Variants in GLYR1 observed in about 807,000 individuals in gnomAD.
GLYR1 encodes cytokine-like nuclear factor N-PAC.
GLYR1 carries 21 observed loss-of-function variants against 72.7 expected under a neutral mutation model. That is an observed-to-expected ratio of 0.29 (90% CI 0.20 to 0.42). GLYR1 has a LOEUF of 0.42. Ranked by LOEUF, GLYR1 falls within the 10% of genes least tolerant of loss-of-function variation. The pLI, the probability that GLYR1 is intolerant of heterozygous loss-of-function variation, is 1.00. For synonymous variants in GLYR1, 392 were observed against 270.2 expected (o/e 1.45, Z -4.42); for missense variants, 594 against 712.1 (o/e 0.83, Z 1.89).
At chr16:4,837,292 T>G (rs538688287) in intron 3 of GLYR1, among the ~76,000 whole-genome samples, 8 of 152,022 alleles carry the variant, frequency 5.3e-5, no homozygotes, top group Middle Eastern at 3.4e-3. Flanking sequence ...AATTAGCCAG[T>G]TGTGGTAGCA....
At chr16:4,820,073 C>T (rs940068362) in intron 9 of GLYR1, among the ~76,000 whole-genome samples, 1 of 152,154 alleles carries the variant, frequency 6.6e-6, no homozygotes, top group Non-Finnish European at 1.5e-5. Context: ...TCTTGGCTCA[C>T]TGCAACCTCC....
intron 5 of GLYR1, among the ~76,000 whole-genome samples, chr16:4,826,159 C>T (rs2084368369): frequency 6.6e-6 from 1 of 151,422 alleles, no homozygotes; most frequent in African/African-American, 2.4e-5. Context: ...GTGATCTTCC[C>T]ACCTCAGCCT....
intron 2 of GLYR1, among the ~76,000 whole-genome samples, 170 bp from the exon 3 acceptor site, chr16:4,845,323 T>C (rs996712007): frequency 4.6e-5 from 7 of 152,226 alleles, no homozygotes; most frequent in Admixed American, 3.9e-4. Context: ...CTAGTACTTG[T>C]CTAAATCTCC....
intron 9 of GLYR1, 92 bp downstream of exon 9, chr16:4,821,288 G>C (rs1386291205): frequency 1.6e-6 from 2 of 1,283,076 alleles, no homozygotes; most frequent in Non-Finnish European, 1.1e-6. Context: ...CAATGGCTGG[G>C]ACACAACCCT....
intron 9 of GLYR1, among the ~76,000 whole-genome samples, chr16:4,818,318 A>G (rs2083784920): frequency 6.6e-6 from 1 of 151,724 alleles, no homozygotes; most frequent in Non-Finnish European, 1.5e-5. Flanking sequence ...TTTTTGAGAT[A>G]GTGTCTTGTT....
At chr16:4,811,919 C>A (rs1361984873) in intron 13 of GLYR1, 117 bp from the exon 14 acceptor site, 2 of 1,411,018 alleles carry the variant, frequency 1.4e-6, no homozygotes, top group East Asian at 4.7e-5. Flanking sequence ...CTTCACCTGC[C>A]CCCGACAGAC....
intron 10 of GLYR1, among the ~76,000 whole-genome samples, chr16:4,816,814 C>T (rs562258218): frequency 6.6e-6 from 1 of 152,196 alleles, no homozygotes; most frequent in African/African-American, 2.4e-5. Context: ...GGTGAAACCC[C>T]TTCTCTACTA....
intron 15 of GLYR1, among the ~76,000 whole-genome samples, chr16:4,810,235 A>C (rs1009608474): frequency 1.3e-5 from 2 of 151,738 alleles, no homozygotes; most frequent in African/African-American, 4.8e-5. Flanking sequence ...AGTGGCTCAC[A>C]CCTGTAATCC....
intron 4 of GLYR1, 62 bp from the exon 5 acceptor site, chr16:4,832,283 C>A: frequency 2.5e-6 from 4 of 1,591,264 alleles, no homozygotes; most frequent in Non-Finnish European, 3.4e-6. Flanking sequence ...TCGCCACCAT[C>A]ATTTACAGGT....
chr16:4,812,320 T>C lies in GLYR1; in HGVS notation c.1120-72A>G, dbSNP rs2083364183. On this transcript the variant is annotated intron_variant, in intron 12 of 15. Coordinates refer to ENST00000321919, the MANE Select transcript of GLYR1 (RefSeq NM_032569.4). ...CTCTCTGGGCAGGACTCAAGGAGTG[T>C]TGCTGAGTGGCCACGGCTGCTCATC... 6.6e-6 allele frequency: 10 copies of C among 1,511,264 alleles called. No homozygotes were observed. In the South Asian group the frequency reaches 8.9e-5, roughly 13 times the overall value. The allele number at this position is 1,511,264 out of a possible 1,614,324, so 93.6% of individuals were successfully genotyped here.
rs182448460 is a variant in GLYR1, at chr16:4,827,857, G to A, written c.538-3950C>T. On this transcript the variant is annotated intron_variant, in intron 5 of 15. Transcript: ENST00000321919. ...GGAGCTTGCAGTGAGCCGAGATTGC[G>A]CCACTGCACCGCAGCCTGGGCGACA... 7.4e-3 allele frequency among the ~76,000 whole-genome samples: 1,119 copies of A among 151,808 alleles called. 21 individuals are homozygous for A. Among genetic ancestry groups the A allele is most frequent in the African/African-American group, 0.026 (1,076 of 41,426 alleles).
At chr16:4,827,887 G>A (rs1219431606) in intron 5 of GLYR1, among the ~76,000 whole-genome samples, 2 of 151,840 alleles carry the variant, frequency 1.3e-5, no homozygotes, top group Non-Finnish European at 2.9e-5. Flanking sequence ...GCGACAGCAC[G>A]AGACTCCGTC....
chr16:4,846,694 C>T (rs1301628630), intron 1 of GLYR1: 2 of 243,000 alleles, frequency 8.2e-6, no homozygotes, highest in African/African-American at 4.6e-5. Context: ...CAAGCGTGCA[C>T]TGGTCACTGC....
rs564580873 is a variant in GLYR1 at position 4,825,693 on chromosome 16, C to G, written c.538-1786G>C. ...TTGAGACGGAGTCTTGCTCTGTAGCCCAGGCTGCAGTGCAGTGGCACAATC... is the reference window on the plus strand; with the variant it reads ...TTGAGACGGAGTCTTGCTCTGTAGCGCAGGCTGCAGTGCAGTGGCACAATC... On this transcript the variant is annotated intron_variant, in intron 5 of 15. Transcript: ENST00000321919. Among the ~76,000 whole-genome samples, 9 of 152,060 alleles carry G rather than the reference C, an allele frequency of 5.9e-5. No homozygotes were observed. In the East Asian group the frequency reaches 1.7e-3, roughly 29 times the overall value.
chr16:4,833,002 C>T (rs893892895), intron 3 of GLYR1, 90 bp from the exon 4 acceptor site: 1 of 1,297,578 alleles, frequency 7.7e-7, no homozygotes, highest in Non-Finnish European at 1.0e-6. Context: ...TGTAAATATC[C>T]ATTTGGTTTA....
chr16:4,823,439 G>A (rs937434490), intron 6 of GLYR1, among the ~76,000 whole-genome samples: 1 of 152,100 alleles, frequency 6.6e-6, no homozygotes, highest in Non-Finnish European at 1.5e-5. Context: ...CCGCACCAAG[G>A]ATAATAAAAC....
rs1316749721 is a variant in GLYR1 at position 4,814,617 on chromosome 16, G to T, written c.937C>A (p.Leu313Met). Residue 313 changes from leucine (L) to methionine (M), a missense_variant, in exon 11 of 16, where the codon CTG becomes ATG. Coordinates refer to ENST00000321919, the MANE Select transcript of GLYR1 (RefSeq NM_032569.4). Reference protein sequence around the residue: ...CDLFIQEGARLGRTPAEVVST... With the variant: ...CDLFIQEGARMGRTPAEVVST... ...ACGACTTCAGCGGGGGTTCTTCCCAGACGGGCCCCCTCCTGGATGAACAAA... is the reference window on the plus strand; with the variant it reads ...ACGACTTCAGCGGGGGTTCTTCCCATACGGGCCCCCTCCTGGATGAACAAA... The T allele has an allele frequency of 6.2e-7, 1 of 1,614,184 alleles. No homozygotes were observed.
intron 10 of GLYR1, among the ~76,000 whole-genome samples, chr16:4,814,943 C>T (rs573071099): frequency 1.3e-5 from 2 of 152,296 alleles, no homozygotes; most frequent in African/African-American, 2.4e-5. Context: ...CTCCCCAGCC[C>T]CCGCTGTGCT....
intron 5 of GLYR1, among the ~76,000 whole-genome samples, chr16:4,828,510 A>G (rs2084576006): frequency 6.6e-6 from 1 of 152,062 alleles, no homozygotes; most frequent in Admixed American, 6.5e-5. Context: ...AGTATCTCCA[A>G]CGTATGCTAC....
Sources: allele counts gnomAD v4.1 joint callset (sites outside exome capture counted in the v4.1 genomes callset), GRCh38; gene constraint gnomAD v4.1.1; transcripts MANE v1.5; gene names NCBI Gene and HGNC (gene_info 2026-07-23, HGNC 2026-07-21).